The following ARMC9 variants were observed in gnomAD, a reference collection of about 807,000 sequenced individuals.
The protein encoded by ARMC9 is armadillo repeat containing 9.
A neutral mutation model predicts 107.0 loss-of-function variants in ARMC9; 94 were observed. The observed-to-expected ratio is 0.88, with a 90% confidence interval of 0.74 to 1.04. ARMC9 has a LOEUF of 1.04. Ranked by LOEUF, ARMC9 falls within the 50% of genes least tolerant of loss-of-function variation. ARMC9 has a pLI of 0.00. For synonymous variants in ARMC9, 380 were observed against 396.9 expected, an observed-to-expected ratio of 0.96 and a Z score of 0.51; for missense variants, 942 against 1,030.1, an observed-to-expected ratio of 0.91 and a Z score of 1.17.
intron 7 of ARMC9, among the ~76,000 whole-genome samples, chr2:231,232,531 A>G (rs1178560934): frequency 6.6e-6 from 1 of 150,918 alleles, no homozygotes; most frequent in Non-Finnish European, 1.5e-5. Flanking sequence ...AGCTCACTGC[A>G]ACCTCCACCT....
chr2:231,331,732 C>A, intron 19 of ARMC9, 61 bp from the exon 20 acceptor site: 3 of 1,443,534 alleles, frequency 2.1e-6, no homozygotes, highest in Non-Finnish European at 1.9e-6. Flanking sequence ...TTCTGGGGAG[C>A]CACGCCTTGG....
chr2:231,226,921 A>G (rs2034701242), intron 7 of ARMC9, 123 bp downstream of exon 7: 9 of 1,197,262 alleles, frequency 7.5e-6, no homozygotes, highest in Non-Finnish European at 1.1e-5. Context: ...AATATTTATG[A>G]AAGGCTTTGC....
chr2:231,335,486 C>T (rs563113193), intron 20 of ARMC9, among the ~76,000 whole-genome samples: 2 of 152,278 alleles, frequency 1.3e-5, no homozygotes, highest in African/African-American at 4.8e-5. Context: ...TAGTCCCCAC[C>T]CTCAAAGTCT....
intron 1 of ARMC9, among the ~76,000 whole-genome samples, chr2:231,204,939 T>C (rs1393690090): frequency 2.0e-5 from 3 of 151,900 alleles, no homozygotes; most frequent in African/African-American, 4.8e-5. Flanking sequence ...CTGGCCTTCA[T>C]CTGGAGGGCG....
At chr2:231,347,521 C>T (rs948711250) in intron 21 of ARMC9, among the ~76,000 whole-genome samples, 21 of 152,298 alleles carry the variant, frequency 1.4e-4, no homozygotes, top group African/African-American at 5.1e-4. Context: ...CTTTGCATCT[C>T]GAGCTCACCT....
At chr2:231,207,806 C>T (rs991689984) in intron 2 of ARMC9, among the ~76,000 whole-genome samples, 1 of 152,162 alleles carries the variant, frequency 6.6e-6, no homozygotes, top group Non-Finnish European at 1.5e-5. Flanking sequence ...TGAGGAACCT[C>T]CATACAGTTT....
chr2:231,284,207 C>T (rs1337202706), intron 17 of ARMC9, among the ~76,000 whole-genome samples: 3 of 152,160 alleles, frequency 2.0e-5, no homozygotes, highest in East Asian at 1.9e-4. Flanking sequence ...AACACAGTCA[C>T]GTGCTGAACA....
Position 231,371,574 on chromosome 2 carries a change from C to T in ARMC9, c.*39C>T, listed in dbSNP as rs2046021680. On this transcript the variant is annotated 3_prime_UTR_variant, in exon 25 of 25. Coordinates refer to ENST00000611582, the MANE Select transcript of ARMC9 (RefSeq NM_001352754.2). ...TGTCCCCATCACGTTGCCGGAGGAC[C>T]AGCCAGCTTCCCGCTCTCAGCTGGC... 8.1e-7 allele frequency: 1 copy of T among 1,234,524 alleles called. No individual in the cohort carries two copies. Among genetic ancestry groups the T allele is most frequent in the South Asian group, 4.1e-5 (1 of 24,474 alleles). The allele number at this position is 1,234,524 out of a possible 1,614,324, so 76.5% of individuals were successfully genotyped here.
At chr2:231,276,381 G>C (rs1318296491) in intron 14 of ARMC9, among the ~76,000 whole-genome samples, 2 of 150,886 alleles carry the variant, frequency 1.3e-5, no homozygotes, top group Admixed American at 1.3e-4. Flanking sequence ...AGCAATTCTC[G>C]TGCCTCAGCC....
At chr2:231,338,572 C>CTT in intron 20 of ARMC9, among the ~76,000 whole-genome samples, 1 of 143,604 alleles carries the variant, frequency 7.0e-6, no homozygotes, top group Non-Finnish European at 1.5e-5. Context: ...CAGTGTCTCG[C>CTT]TCTGTCACAC....
intron 17 of ARMC9, among the ~76,000 whole-genome samples, chr2:231,289,031 C>T (rs2040807343): frequency 6.6e-6 from 1 of 152,110 alleles, no homozygotes; most frequent in Non-Finnish European, 1.5e-5. Flanking sequence ...TTTTATTATC[C>T]TTCTGTCTTC....
chr2:231,264,566 C>T (rs1456620756), intron 12 of ARMC9, among the ~76,000 whole-genome samples: 1 of 151,808 alleles, frequency 6.6e-6, no homozygotes, highest in African/African-American at 2.4e-5. Flanking sequence ...GGCACGATCT[C>T]GGCTCACTGC....
At chr2:231,204,690 TAGAA>T (rs1333721538) in intron 1 of ARMC9, among the ~76,000 whole-genome samples, 1 of 151,808 alleles carries the variant, frequency 6.6e-6, no homozygotes, top group Non-Finnish European at 1.5e-5. Flanking sequence ...GCCGACCTCT[TAGAA>T]AGGGTGGTCA....
intron 3 of ARMC9, among the ~76,000 whole-genome samples, chr2:231,212,853 G>A (rs2033059645): frequency 6.6e-6 from 1 of 152,192 alleles, no homozygotes; most frequent in South Asian, 2.1e-4. Flanking sequence ...CCAGCCTTGA[G>A]GAGGTAGATG....
chr2:231,272,814 C>A, intron 13 of ARMC9, 141 bp from the exon 14 acceptor site: 1 of 1,120,146 alleles, frequency 8.9e-7, no homozygotes. Flanking sequence ...CCGCGCCCTG[C>A]CCAGTAAGTT....
intron 7 of ARMC9, among the ~76,000 whole-genome samples, chr2:231,228,116 C>G (rs920692817): frequency 6.6e-6 from 1 of 152,200 alleles, no homozygotes; most frequent in Non-Finnish European, 1.5e-5. Context: ...GGCCACGGTG[C>G]GTCCCGGGCC....
chr2:231,365,707 A>G (rs1216140178), intron 23 of ARMC9, among the ~76,000 whole-genome samples: 1 of 152,034 alleles, frequency 6.6e-6, no homozygotes, highest in Non-Finnish European at 1.5e-5. Flanking sequence ...CACAGCAGAT[A>G]GGACCCAGCC....
intron 18 of ARMC9, 78 bp downstream of exon 18, chr2:231,291,521 A>G: frequency 6.8e-7 from 1 of 1,462,724 alleles, no homozygotes; most frequent in South Asian, 1.1e-5. Context: ...CATTTCATTC[A>G]AGAGGCCTTT....
At chr2:231,288,351 T>C (rs60217395) in intron 17 of ARMC9, among the ~76,000 whole-genome samples, 7,354 of 152,278 alleles carry the variant, frequency 0.048, 520 homozygotes, top group East Asian at 0.25. Flanking sequence ...GGGGGGCCTG[T>C]GAGTAATTTT....
Sources: allele counts gnomAD v4.1 joint callset (sites outside exome capture counted in the v4.1 genomes callset), GRCh38; gene constraint gnomAD v4.1.1; transcripts MANE v1.5; gene names NCBI Gene and HGNC (gene_info 2026-07-23, HGNC 2026-07-21).